AGBL2: variants seen among roughly 807,000 people sequenced by gnomAD.
AGBL2 encodes AGBL carboxypeptidase 2, also known as cytosolic carboxypeptidase 2.
AGBL2 carries 87 observed loss-of-function variants against 103.0 expected under a neutral mutation model. The observed-to-expected ratio is 0.84, with a 90% confidence interval of 0.71 to 1.01. AGBL2 has a LOEUF of 1.01. Ranked by LOEUF, AGBL2 falls within the 50% of genes least tolerant of loss-of-function variation. AGBL2 has a pLI of 0.00. For missense variants in AGBL2, 904 were observed against 1,023.5 expected, an observed-to-expected ratio of 0.88 and a Z score of 1.59; for synonymous variants, 335 against 356.7, an observed-to-expected ratio of 0.94 and a Z score of 0.69.
At chr11:47,705,812 CAT>C in intron 5 of AGBL2, 50 bp downstream of exon 5, 2 of 1,519,158 alleles carry the variant, frequency 1.3e-6, no homozygotes, top group East Asian at 2.3e-5. Flanking sequence ...GTGATGAAGA[CAT>C]AGTCCAAAAA....
intron 13 of AGBL2, among the ~76,000 whole-genome samples, chr11:47,678,166 G>T (rs1249266635): frequency 1.3e-5 from 2 of 150,834 alleles, no homozygotes; most frequent in East Asian, 2.0e-4. Flanking sequence ...GTTTCACCAC[G>T]TTGGCCAGGA....
chr11:47,674,891 C>T (rs1242436197), intron 14 of AGBL2, among the ~76,000 whole-genome samples: 1 of 151,920 alleles, frequency 6.6e-6, no homozygotes, highest in Admixed American at 6.6e-5. Context: ...TGTGCCATCA[C>T]ACACAACTGA....
In AGBL2 at chr11:47,667,005, T is replaced by C; in HGVS notation, c.2399A>G (p.Glu800Gly). The C allele has an allele frequency of 6.2e-7, 1 of 1,613,638 alleles. No individual in the cohort carries two copies. The highest frequency in any genetic ancestry group is 8.5e-7 in the Non-Finnish European group (1 of 1,179,894). Reference protein sequence around the residue: ...QKQPTFFKNSENSSFLPMKNE... With the variant: ...QKQPTFFKNSGNSSFLPMKNE... ...TTTCATTGGTAAAAAACTGGAATTC[T>C]CTGAGTTTTTGAAAAAGGTTGGCTG... Residue 800 changes from glutamate (E) to glycine (G), a missense_variant, in exon 17 of 19, where the codon GAG (glutamate) becomes GGG (glycine). Glu to Gly is a moderately conservative substitution (Grantham distance 98). Transcript: ENST00000525123.
intron 16 of AGBL2, 45 bp from the exon 17 acceptor site, chr11:47,667,108 A>G: frequency 1.5e-6 from 2 of 1,327,928 alleles, no homozygotes; most frequent in Non-Finnish European, 2.1e-6. Flanking sequence ...GATCTATTCA[A>G]AATTGATCCA....
intron 17 of AGBL2, among the ~76,000 whole-genome samples, chr11:47,664,018 C>T (rs141885740): frequency 0.033 from 5,020 of 151,810 alleles, 288 homozygotes; most frequent in African/African-American, 0.12. Context: ...CCACGCCTGG[C>T]TAATTTTTAT....
intron 7 of AGBL2, among the ~76,000 whole-genome samples, chr11:47,699,836 G>A (rs1001326126): frequency 6.6e-6 from 1 of 152,224 alleles, no homozygotes; most frequent in Non-Finnish European, 1.5e-5. Flanking sequence ...TGCTGCAACA[G>A]CTCTTCAAAA....
At chr11:47,668,208 CA>C (rs34571219) in intron 15 of AGBL2, among the ~76,000 whole-genome samples, 35,607 of 94,616 alleles carry the variant, frequency 0.38, 5,453 homozygotes, top group South Asian at 0.5. Context: ...GACTCCATCT[CA>C]AAAAAAAAAA....
intron 13 of AGBL2, among the ~76,000 whole-genome samples, chr11:47,678,773 C>A (rs1275808908): frequency 1.3e-5 from 2 of 151,620 alleles, no homozygotes; most frequent in Non-Finnish European, 2.9e-5. Flanking sequence ...AGAAAAGACA[C>A]CTGGCTGGGC....
intron 14 of AGBL2, among the ~76,000 whole-genome samples, chr11:47,670,563 G>A (rs1388568870): frequency 6.6e-6 from 1 of 152,054 alleles, no homozygotes; most frequent in African/African-American, 2.4e-5. Context: ...TCCTTCAAAA[G>A]TTTTGAATGA....
At chr11:47,670,984 A>T (rs969039233) in intron 14 of AGBL2, among the ~76,000 whole-genome samples, 1 of 146,904 alleles carries the variant, frequency 6.8e-6, no homozygotes, top group Non-Finnish European at 1.5e-5. Context: ...ACAGAGCGAC[A>T]CTCTTTCTAA....
intron 10 of AGBL2, 90 bp downstream of exon 10, chr11:47,689,986 A>T: frequency 8.5e-7 from 1 of 1,175,668 alleles, no homozygotes; most frequent in South Asian, 1.6e-5. Context: ...TCCTTTAACA[A>T]CAGAAGAGAC....
At chr11:47,670,082 C>A (rs1287726659) in intron 14 of AGBL2, among the ~76,000 whole-genome samples, 2 of 152,140 alleles carry the variant, frequency 1.3e-5, no homozygotes, top group Non-Finnish European at 2.9e-5. Flanking sequence ...GCAGAATTGC[C>A]CTTGGTGGAG....
intron 5 of AGBL2, 23 bp from the exon 6 acceptor site, chr11:47,705,657 A>AAAT: frequency 3.6e-6 from 2 of 555,382 alleles, no homozygotes; most frequent in Non-Finnish European, 6.4e-6. Context: ...AAAAAAAAAA[A>AAAT]GAAAAAGAAA....
chr11:47,662,763 G>A (rs2097331408), intron 18 of AGBL2, among the ~76,000 whole-genome samples: 1 of 152,086 alleles, frequency 6.6e-6, no homozygotes, highest in African/African-American at 2.4e-5. Context: ...CAAAGTGCTG[G>A]GATTACAGGC....
rs781006127 is a variant in AGBL2, at chr11:47,705,556, G to A, written c.365C>T (p.Ser122Phe). 1 of 434,654 alleles carries A rather than the reference G, an allele frequency of 2.3e-6. No individual in the cohort carries two copies. Among genetic ancestry groups the A allele is most frequent in the South Asian group, 2.2e-5 (1 of 46,356 alleles). 26.9% of individuals were successfully genotyped at this position (434,654 alleles called of 1,614,324 possible). Reference protein sequence around the residue: ...LQPPPPRFKDSPASAFRVAGI... With the variant: ...LQPPPPRFKDFPASAFRVAGI... ...AGCTACTCGGAAAGCTGAGGCAGGAGAATCCTTGAATCTGGGAGGTGGAGG... is the reference window on the plus strand; with the variant it reads ...AGCTACTCGGAAAGCTGAGGCAGGAAAATCCTTGAATCTGGGAGGTGGAGG... Residue 122 changes from serine (S) to phenylalanine (F), a missense_variant, in exon 6 of 19, where the codon TCT becomes TTT. Physicochemically the swap from Ser to Phe is radical, Grantham distance 155. Transcript: ENST00000525123.
intron 8 of AGBL2, among the ~76,000 whole-genome samples, chr11:47,694,229 CAAA>C (rs34944577): frequency 7.9e-6 from 1 of 125,804 alleles, no homozygotes; most frequent in African/African-American, 3.1e-5. Context: ...ACTCCCAAGC[CAAA>C]AAAAAAAAAA....
At chr11:47,704,507 C>A in intron 7 of AGBL2, 36 bp downstream of exon 7, 11 of 1,437,590 alleles carry the variant, frequency 7.7e-6, no homozygotes, top group Admixed American at 2.2e-5. Flanking sequence ...AAAAGTCAGG[C>A]AGAATAGCAA....
chr11:47,681,069 C>T (rs930212385), intron 12 of AGBL2, among the ~76,000 whole-genome samples: 1 of 152,006 alleles, frequency 6.6e-6, no homozygotes, highest in African/African-American at 2.4e-5. Flanking sequence ...GTGGTTCATG[C>T]CTGCCATCCC....
chr11:47,669,891 G>A (rs1210209140), intron 14 of AGBL2, among the ~76,000 whole-genome samples: 1 of 152,156 alleles, frequency 6.6e-6, no homozygotes, highest in East Asian at 1.9e-4. Flanking sequence ...GATAACAGGC[G>A]TGAGCCACTG....
Sources: gnomAD v4.1 joint callset for allele counts (sites outside exome capture counted in the v4.1 genomes callset) on GRCh38, gnomAD v4.1.1 for gene constraint, MANE v1.5 for transcripts, NCBI Gene and HGNC (gene_info 2026-07-23, HGNC 2026-07-21) for gene names.